The following PTH1R variants were observed in gnomAD, a reference collection of about 807,000 sequenced individuals.
PTH1R encodes parathyroid hormone 1 receptor.
Under a neutral mutation model 70.7 loss-of-function variants are expected in PTH1R, and 32 were observed. That is an observed-to-expected ratio of 0.45 (90% CI 0.34 to 0.61). The LOEUF is 0.61. Ranked by LOEUF, PTH1R falls within the 20% of genes least tolerant of loss-of-function variation. PTH1R has a pLI of 0.01. For synonymous variants in PTH1R, 329 were observed against 324.8 expected (o/e 1.01, Z -0.14); for missense variants, 626 against 792.5 (o/e 0.79, Z 2.52).
At position 46,902,592 on chromosome 3, in the gene PTH1R, C is replaced by T; in HGVS notation, c.1278C>T (p.Ala426=). The change falls in exon 14 of 16, where the codon GCC becomes GCT. Residue 426 remains alanine (A), a synonymous_variant. Transcript: ENST00000449590. This position sits in a 1 kb window ranked among gnomAD's most constrained non-coding sequence, Gnocchi z 5.4. ...LFGVHYIVFM[A]TPYTEVSGTL... is the part of the protein sequence containing the mutation. ...GCGTCCACTACATTGTCTTCATGGC[C>T]ACACCATACACCGAGGTCTCAGGGA... 6.2e-7 allele frequency: 1 copy of T among 1,613,834 alleles called. No individual in the cohort carries two copies. The highest frequency in any genetic ancestry group is 8.5e-7 in the Non-Finnish European group (1 of 1,180,008).
In PTH1R at chr3:46,891,645, G is replaced by T. The variant is rs1199452065; in HGVS notation, c.76-2262G>T. ...GATGGCAAAGGCAGTGTAGATGGTAGTTGTTGGGCAGGTGGCAGTATTGCT... is the reference window on the plus strand; with the variant it reads ...GATGGCAAAGGCAGTGTAGATGGTATTTGTTGGGCAGGTGGCAGTATTGCT... On this transcript the variant is annotated intron_variant, in intron 3 of 15. Coordinates refer to ENST00000449590, the MANE Select transcript of PTH1R (RefSeq NM_000316.3). This position sits in a 1 kb window ranked among gnomAD's most constrained non-coding sequence, Gnocchi z 4.3. 6.6e-6 allele frequency among the ~76,000 whole-genome samples: 1 copy of T among 152,200 alleles called. No homozygotes were observed. Among genetic ancestry groups the T allele is most frequent in the Non-Finnish European group, 1.5e-5 (1 of 68,030 alleles).
rs1444016619 is a variant in PTH1R, at chr3:46,898,125, G to C, written c.476G>C (p.Gly159Ala). ...DRNGSWELVPGHNRTWANYSE... is the reference protein window; with the variant it reads ...DRNGSWELVPAHNRTWANYSE... ...AATGGCAGCTGGGAGCTGGTGCCTG[G>C]GCACAACAGGACGTGGGCCAACTAC... Residue 159 changes from glycine to alanine, a missense_variant, in exon 7 of 16, where the codon GGG (glycine) becomes GCG (alanine). Physicochemically the swap from Gly to Ala is moderately conservative, Grantham distance 60. Around this residue, in one of 3 missense-constraint regions of PTH1R, gnomAD observed 495 missense variants for 638.7 expected, o/e 0.77. Transcript: ENST00000449590. 6.2e-7 allele frequency: 1 copy of C among 1,614,092 alleles called. No individual in the cohort carries two copies. The highest frequency in any genetic ancestry group is 1.3e-5 in the African/African-American group (1 of 74,936).
chr3:46,902,951 G>C lies in PTH1R; in HGVS notation c.1395+161G>C, dbSNP rs182939904. 17 of 1,133,176 alleles carry C rather than the reference G, an allele frequency of 1.5e-5. No individual in the cohort carries two copies. The Admixed American group carries it at 2.6e-4, about 18-fold the overall frequency. The allele number at this position is 1,133,176 out of a possible 1,614,324, so 70.2% of individuals were successfully genotyped here. ...CAGAGAAGTCTTTCCAGATGATGCA[G>C]GTTCAGGATGTGCTAGGATGTGGGG... On this transcript the variant is annotated intron_variant, in intron 15 of 15. Transcript: ENST00000449590. This position sits in a 1 kb window ranked among gnomAD's most constrained non-coding sequence, Gnocchi z 5.4.
At chr3:46,881,868 G>A (rs939005645) in intron 2 of PTH1R, among the ~76,000 whole-genome samples, 1 of 152,032 alleles carries the variant, frequency 6.6e-6, no homozygotes, top group African/African-American at 2.4e-5. Context: ...GTACCGGGCA[G>A]CCTCCTCAGG....
In PTH1R at chr3:46,891,480, T is replaced by C. The variant is rs2031412408; in HGVS notation, c.76-2427T>C. On this transcript the variant is annotated intron_variant, in intron 3 of 15. Transcript: ENST00000449590. This position sits in a 1 kb window ranked among gnomAD's most constrained non-coding sequence, Gnocchi z 4.3. The stretch of plus-strand genomic sequence containing the variant: ...TTGGGAGGCCCAGGGAGTCAGCAAG[T>C]CTCTAAGGATGTGTGGGAGCCTCCG... 6.6e-6 allele frequency among the ~76,000 whole-genome samples: 1 copy of C among 152,144 alleles called. No individual in the cohort carries two copies. Among genetic ancestry groups the C allele is most frequent in the South Asian group, 2.1e-4 (1 of 4,818 alleles).
Position 46,883,593 on chromosome 3 carries a change from C to T in PTH1R, c.34C>T (p.Leu12Phe), listed in dbSNP as rs567440911. The stretch of plus-strand genomic sequence containing the variant: ...CGCCCGGATCGCACCCGGCCTGGCG[C>T]TCCTGCTCTGCTGCCCCGTGCTCAG... ...GTARIAPGLA[L>F]LLCCPVLSSA... Residue 12 changes from leucine (L) to phenylalanine (F), a missense_variant, in exon 3 of 16, where the codon CTC becomes TTC. Leu to Phe is a conservative substitution (Grantham distance 22). Around this residue, in one of 3 missense-constraint regions of PTH1R, gnomAD observed 123 missense variants for 125.7 expected, o/e 0.98. Coordinates refer to ENST00000449590, the MANE Select transcript of PTH1R (RefSeq NM_000316.3). The surrounding 1 kb of genome is among the most constrained non-coding windows in gnomAD (Gnocchi z 6.4). 5.2e-6 allele frequency: 8 copies of T among 1,542,252 alleles called. No homozygotes were observed. The East Asian group carries it at 1.7e-4, about 33-fold the overall frequency.
chr3:46,898,434 G>A lies in PTH1R; in HGVS notation c.600G>A (p.Ala200=), dbSNP rs1278421046. 2 of 1,614,016 alleles carry A rather than the reference G, an allele frequency of 1.2e-6. No homozygotes were observed. The highest frequency in any genetic ancestry group is 1.7e-6 in the Non-Finnish European group (2 of 1,180,010). Residue 200 remains alanine (A), a synonymous_variant, in exon 8 of 16, where the codon GCG becomes GCA. Transcript: ENST00000449590. ...CCGTGGGCTACTCCGTGTCCCTGGC[G>A]TCCCTCACCGTAGCTGTGCTCATCC... ...IYTVGYSVSL[A]SLTVAVLILA...
intron 4 of PTH1R, among the ~76,000 whole-genome samples, chr3:46,895,171 C>T (rs1459159515): frequency 1.3e-5 from 2 of 151,712 alleles, no homozygotes; most frequent in African/African-American, 4.8e-5. Context: ...TCAACGGCCA[C>T]TGTGGAAGCT....
rs1434684255 is a variant in PTH1R, at chr3:46,902,830, A to T, written c.1395+40A>T. The T allele has an allele frequency of 1.2e-6, 2 of 1,611,832 alleles. No individual in the cohort carries two copies. The highest frequency in any genetic ancestry group is 1.7e-6 in the Non-Finnish European group (2 of 1,178,668). ...GTGTTGGCATAGGGCAGGGTGGGGC[A>T]GATACCCCAGAGGCTTCCTCAAGGC... On this transcript the variant is annotated intron_variant, in intron 15 of 15. Transcript: ENST00000449590. The surrounding 1 kb of genome is among the most constrained non-coding windows in gnomAD (Gnocchi z 5.4).
chr3:46,898,548 C>T (rs2031906083), intron 8 of PTH1R, 76 bp downstream of exon 8: 1 of 1,599,190 alleles, frequency 6.3e-7, no homozygotes, highest in African/African-American at 1.3e-5. Flanking sequence ...CGACCCCCTC[C>T]CTGCACCCAT....
At chr3:46,890,062 G>T (rs1421057544) in intron 3 of PTH1R, among the ~76,000 whole-genome samples, 2 of 152,160 alleles carry the variant, frequency 1.3e-5, no homozygotes, top group Non-Finnish European at 2.9e-5. Flanking sequence ...AGAGGAGGGG[G>T]TCCTTTTTCC....
intron 3 of PTH1R, among the ~76,000 whole-genome samples, chr3:46,888,519 A>G (rs2031181434): frequency 6.6e-6 from 1 of 152,228 alleles, no homozygotes; most frequent in Non-Finnish European, 1.5e-5. Context: ...GAGAGTCCTC[A>G]GGAAAAAGAA....
intron 4 of PTH1R, 98 bp downstream of exon 4, chr3:46,894,107 G>A (rs569355201): frequency 1.5e-5 from 20 of 1,298,270 alleles, no homozygotes. Context: ...AAGGCTCTCT[G>A]TGGGGGCGGA....
At chr3:46,900,898 A>G in intron 10 of PTH1R, 127 bp from the exon 11 acceptor site, 1 of 1,041,264 alleles carries the variant, frequency 9.6e-7, no homozygotes, top group Non-Finnish European at 1.5e-6. Flanking sequence ...CACCAAGTGG[A>G]CCAAGTGCCC....
At chr3:46,881,758 G>A (rs1485345217) in intron 2 of PTH1R, among the ~76,000 whole-genome samples, 1 of 151,996 alleles carries the variant, frequency 6.6e-6, no homozygotes, top group Non-Finnish European at 1.5e-5. Flanking sequence ...CAGCCAAGCC[G>A]GGCTCGGGGC....
At chr3:46,898,296 C>T (rs2031877872) in intron 7 of PTH1R, 82 bp from the exon 8 acceptor site, 1 of 1,573,878 alleles carries the variant, frequency 6.4e-7, no homozygotes, top group Admixed American at 1.7e-5. Context: ...CCTCCAGCAA[C>T]CTTACCCTGG....
intron 3 of PTH1R, among the ~76,000 whole-genome samples, chr3:46,885,805 C>G (rs372642464): frequency 2.1e-4 from 32 of 152,212 alleles, no homozygotes; most frequent in African/African-American, 7.7e-4. Flanking sequence ...AGCTGGCAGC[C>G]TGCCAGCTCC....
Position 46,883,448 on chromosome 3 carries a change from C to G in PTH1R, c.-48-64C>G. On this transcript the variant is annotated intron_variant, in intron 2 of 15. Coordinates refer to ENST00000449590, the MANE Select transcript of PTH1R (RefSeq NM_000316.3). This position sits in a 1 kb window ranked among gnomAD's most constrained non-coding sequence, Gnocchi z 6.4. ...TCGGGCCGCCGGGACGCCGGGGTCC[C>G]ATAGGCCGGGGCGTGGGCGGGGCGG... is the stretch of plus-strand genomic sequence containing the variant. 2.1e-6 allele frequency: 2 copies of G among 937,744 alleles called. No homozygotes were observed. The highest frequency in any genetic ancestry group is 2.8e-6 in the Non-Finnish European group (2 of 724,260). The allele number at this position is 937,744 out of a possible 1,614,324, so 58.1% of individuals were successfully genotyped here.
chr3:46,894,643 G>A (rs1312403824), intron 4 of PTH1R, among the ~76,000 whole-genome samples: 2 of 151,948 alleles, frequency 1.3e-5, no homozygotes, highest in African/African-American at 4.8e-5. Context: ...GCTTCCTACT[G>A]TACCCCACCC....
Sources: allele counts gnomAD v4.1 joint callset (sites outside exome capture counted in the v4.1 genomes callset), GRCh38; gene constraint gnomAD v4.1.1; regional missense constraint gnomAD v4.1.1; non-coding constraint Gnocchi (gnomAD v3.1); transcripts MANE v1.5; gene names NCBI Gene and HGNC (gene_info 2026-07-23, HGNC 2026-07-21).